Variants in MYO18B observed in about 807,000 individuals in gnomAD.
The protein encoded by MYO18B is myosin XVIIIB, also known as unconventional myosin-XVIIIb.
A neutral mutation model predicts 273.0 loss-of-function variants in MYO18B; 204 were observed. The observed-to-expected ratio is 0.75, with a 90% confidence interval of 0.67 to 0.84. MYO18B has a LOEUF of 0.84. Ranked by LOEUF, MYO18B falls within the 40% of genes least tolerant of loss-of-function variation. MYO18B has a pLI of 0.00. For synonymous variants in MYO18B, 1,330 were observed against 1,305.7 expected (o/e 1.02, Z -0.40); for missense variants, 3,212 against 3,287.6 (o/e 0.98, Z 0.56).
Position 25,846,195 on chromosome 22 carries a change from A to G in MYO18B, c.3464A>G (p.Gln1155Arg). 1 of 1,612,408 alleles carries G rather than the reference A, an allele frequency of 6.2e-7. No individual in the cohort carries two copies. Among genetic ancestry groups the G allele is most frequent in the Non-Finnish European group, 8.5e-7 (1 of 1,179,692 alleles). Reference sequence around the variant, plus strand: ...GAGGGCACCTCCCAGCAGGCCCTGCAGAGGAGCCGCATGGTGAGGAGGACC... The same window carrying G: ...GAGGGCACCTCCCAGCAGGCCCTGCGGAGGAGCCGCATGGTGAGGAGGACC... Reference protein sequence around the residue: ...GLEGTSQQALQRSRMVRRTFA... With the variant: ...GLEGTSQQALRRSRMVRRTFA... The change falls in exon 19 of 44, where the codon CAG becomes CGG. Residue 1155 changes from glutamine to arginine, a missense_variant. Physicochemically the swap from Gln to Arg is conservative, Grantham distance 43. Transcript: ENST00000335473.
At chr22:25,919,994 G>A (rs1455961610) in intron 33 of MYO18B, among the ~76,000 whole-genome samples, 1 of 151,700 alleles carries the variant, frequency 6.6e-6, no homozygotes, top group Non-Finnish European at 1.5e-5. Flanking sequence ...TCTTTTTGTG[G>A]ATGAGAAAAC....
chr22:25,880,223 A>T (rs1196421767), intron 25 of MYO18B, among the ~76,000 whole-genome samples: 1 of 152,222 alleles, frequency 6.6e-6, no homozygotes, highest in East Asian at 1.9e-4. Context: ...TCAGCAAAGT[A>T]AATAATATTT....
chr22:25,881,397 C>T (rs1303684415), intron 25 of MYO18B, among the ~76,000 whole-genome samples: 1 of 152,256 alleles, frequency 6.6e-6, no homozygotes, highest in Admixed American at 6.5e-5. Flanking sequence ...CACACACGTG[C>T]CTGATGTCTC....
chr22:25,770,390 G>A (rs567682123), intron 5 of MYO18B, among the ~76,000 whole-genome samples: 7 of 152,254 alleles, frequency 4.6e-5, no homozygotes, highest in African/African-American at 1.4e-4. Flanking sequence ...TTCCTACGGC[G>A]TTCTTCGAGG....
At chr22:26,023,494 T>TCCTCCTCTTCCTCCTCC (rs1237319334) in intron 42 of MYO18B, among the ~76,000 whole-genome samples, 1 of 150,022 alleles carries the variant, frequency 6.7e-6, no homozygotes, top group African/African-American at 2.5e-5. Flanking sequence ...CTCCTCCTCC[T>TCCTCCTCTTCCTCCTCC]CTACCTCCTC....
chr22:25,766,341 A>G (rs2086505987), intron 3 of MYO18B, among the ~76,000 whole-genome samples: 1 of 152,122 alleles, frequency 6.6e-6, no homozygotes, highest in South Asian at 2.1e-4. Flanking sequence ...GGCTCATTGC[A>G]AGGAAGATAT....
In MYO18B at chr22:25,776,064, C is replaced by A. The variant is rs77843712; in HGVS notation, c.1870-1519C>A. 7.8e-3 allele frequency among the ~76,000 whole-genome samples: 1,184 copies of A among 152,314 alleles called. 16 individuals are homozygous for A. Among genetic ancestry groups the A allele is most frequent in the African/African-American group, 0.026 (1,088 of 41,564 alleles). On this transcript the variant is annotated intron_variant, in intron 7 of 43. Coordinates refer to ENST00000335473, the MANE Select transcript of MYO18B (RefSeq NM_032608.7). ...GTGGTCAACTCAGCCCCAAGTTCTA[C>A]CCCTGGTAGCCACTGATCTGTTTTT...
chr22:25,993,877 C>A (rs912576655), intron 40 of MYO18B, among the ~76,000 whole-genome samples: 3 of 151,294 alleles, frequency 2.0e-5, no homozygotes, highest in Non-Finnish European at 4.4e-5. Context: ...AACATTCTAA[C>A]ACTGAGGAAA....
At chr22:25,762,793 A>G (rs1217032000) in intron 2 of MYO18B, among the ~76,000 whole-genome samples, 1 of 152,232 alleles carries the variant, frequency 6.6e-6, no homozygotes, top group Admixed American at 6.5e-5. Context: ...TAATTGGTTC[A>G]TCTATTATAT....
At chr22:25,938,978 G>A (rs1038974419) in intron 34 of MYO18B, among the ~76,000 whole-genome samples, 16 of 152,162 alleles carry the variant, frequency 1.1e-4, no homozygotes, top group African/African-American at 3.9e-4. Flanking sequence ...ACCATGCCCA[G>A]CTAATTTTTT....
intron 1 of MYO18B, among the ~76,000 whole-genome samples, chr22:25,756,106 C>A (rs925624999): frequency 6.6e-6 from 1 of 152,080 alleles, no homozygotes; most frequent in Non-Finnish European, 1.5e-5. Flanking sequence ...ACCGTGTTAG[C>A]CAGGATGGTC....
rs1397851128 is a variant in MYO18B at position 25,858,409 on chromosome 22, A to G, written c.3885+6830A>G. ...CAGCCAAATGGTTCACAGGATGAGT[A>G]TCCTATTCCATAGACACAGATTCTT... On this transcript the variant is annotated intron_variant, in intron 21 of 43. Coordinates refer to ENST00000335473, the MANE Select transcript of MYO18B (RefSeq NM_032608.7). Among the ~76,000 whole-genome samples, 5 of 152,242 alleles carry G rather than the reference A, an allele frequency of 3.3e-5. No homozygotes were observed. The East Asian group carries it at 9.6e-4, about 29-fold the overall frequency.
chr22:25,902,378 T>TA (rs765359079), intron 29 of MYO18B, among the ~76,000 whole-genome samples: 59 of 152,306 alleles, frequency 3.9e-4, no homozygotes, highest in Non-Finnish European at 7.9e-4. Context: ...ACCTCAACCC[T>TA]AAAAATTGCT....
At chr22:25,873,737 G>A (rs931552193) in intron 22 of MYO18B, among the ~76,000 whole-genome samples, 1 of 152,188 alleles carries the variant, frequency 6.6e-6, no homozygotes, top group African/African-American at 2.4e-5. Flanking sequence ...ACCACGCCCG[G>A]CTGGAGTGAG....
rs972256306 is a variant in MYO18B, at chr22:25,947,778, C to A, written c.5698C>A (p.Gln1900Lys). 5 of 1,613,840 alleles carry A rather than the reference C, an allele frequency of 3.1e-6. No individual in the cohort carries two copies. The highest frequency in any genetic ancestry group is 1.3e-5 in the African/African-American group (1 of 75,024). Residue 1900 changes from glutamine (Q) to lysine (K), a missense_variant, in exon 36 of 44, where the codon CAG (glutamine) becomes AAG (lysine). By Grantham distance (53) the Gln-to-Lys change is moderately conservative (BLOSUM62 1). Transcript: ENST00000335473. ...ADLLKRIDED[Q>K]DDLNELMQKH... Reference sequence around the variant, plus strand: ...CCTCCTGAAGCGCATCGATGAGGACCAGGATGACCTGAATGAGCTGATGCA... The same window carrying A: ...CCTCCTGAAGCGCATCGATGAGGACAAGGATGACCTGAATGAGCTGATGCA...
chr22:25,904,202 C>T (rs1489558375), intron 31 of MYO18B, among the ~76,000 whole-genome samples: 1 of 152,212 alleles, frequency 6.6e-6, no homozygotes, highest in Non-Finnish European at 1.5e-5. Flanking sequence ...ATATAAGCTT[C>T]ATGAAGTCAG....
At chr22:25,934,559 C>A (rs1333571722) in intron 34 of MYO18B, among the ~76,000 whole-genome samples, 2 of 152,048 alleles carry the variant, frequency 1.3e-5, no homozygotes, top group East Asian at 3.9e-4. Context: ...GACGAAGTGC[C>A]CAAGGTGGTC....
downstream of MYO18B, among the ~76,000 whole-genome samples, chr22:26,032,462 A>G (rs563304866): frequency 5.3e-5 from 8 of 151,200 alleles, 1 homozygote; most frequent in African/African-American, 1.9e-4. Flanking sequence ...CTCTTATAAG[A>G]ACAGCAGTCA....
At chr22:25,902,346 C>T (rs1002654882) in intron 29 of MYO18B, among the ~76,000 whole-genome samples, 16 of 152,224 alleles carry the variant, frequency 1.1e-4, no homozygotes, top group South Asian at 2.1e-4. Context: ...ATAAGTATAT[C>T]GAATAGTTCT....
Sources: allele counts gnomAD v4.1 joint callset (sites outside exome capture counted in the v4.1 genomes callset), GRCh38; gene constraint gnomAD v4.1.1; transcripts MANE v1.5; gene names NCBI Gene and HGNC (gene_info 2026-07-23, HGNC 2026-07-21).